The following BLTP1 variants were observed in gnomAD, a reference collection of about 807,000 sequenced individuals.
The protein encoded by BLTP1 is fragile site-associated protein.
At chr4:122,264,489 G>C in the BLTP1 span, 46 of 1,426,156 alleles carry the variant, frequency 3.2e-5, no homozygotes, top group Non-Finnish European at 3.7e-5. Context: ...TTAGCAACTG[G>C]AACCTCCAAT....
chr4:122,338,752 A>C, the BLTP1 span, among the ~76,000 whole-genome samples: 1 of 152,066 alleles, frequency 6.6e-6, no homozygotes, highest in Non-Finnish European at 1.5e-5. Flanking sequence ...TTTTCAATCC[A>C]TGTTTGGCGG....
At chr4:122,332,629 C>CCTT in the BLTP1 span, among the ~76,000 whole-genome samples, 1 of 142,564 alleles carries the variant, frequency 7.0e-6, no homozygotes, top group South Asian at 2.2e-4. Context: ...TAAAAGTTTG[C>CCTT]TTTTTTTTTT....
chr4:122,232,977 T>C, the BLTP1 span, among the ~76,000 whole-genome samples: 1 of 152,230 alleles, frequency 6.6e-6, no homozygotes, highest in Non-Finnish European at 1.5e-5. Context: ...ATTTCTGATA[T>C]TACTGGAAGA....
chr4:122,274,487 G>C, the BLTP1 span: 5 of 1,562,786 alleles, frequency 3.2e-6, no homozygotes, highest in Non-Finnish European at 4.3e-6. Flanking sequence ...AGACAAAAAT[G>C]GAAATTCTTT....
the BLTP1 span, among the ~76,000 whole-genome samples, chr4:122,324,174 C>T: frequency 6.6e-6 from 1 of 151,888 alleles, no homozygotes; most frequent in Non-Finnish European, 1.5e-5. Flanking sequence ...TACCCTCATC[C>T]CTACCCCCAA....
chr4:122,319,479 T>C, the BLTP1 span, among the ~76,000 whole-genome samples: 2 of 151,956 alleles, frequency 1.3e-5, no homozygotes, highest in Non-Finnish European at 2.9e-5. Context: ...GGTATCTTTC[T>C]GTTGTTGATT....
At chr4:122,267,028 C>T in the BLTP1 span, 23 of 466,842 alleles carry the variant, frequency 4.9e-5, no homozygotes, top group South Asian at 1.1e-4. Flanking sequence ...ACGTTACTTT[C>T]GTGTAATCCA....
chr4:122,214,600 T>C, the BLTP1 span: 2 of 855,562 alleles, frequency 2.3e-6, no homozygotes, highest in Non-Finnish European at 2.8e-6. Context: ...ACTATTTTTT[T>C]TTTTTTCAGT....
the BLTP1 span, chr4:122,209,697 A>T: frequency 8.0e-7 from 1 of 1,254,470 alleles, no homozygotes; most frequent in African/African-American, 1.5e-5. Context: ...TTTTGTGCTT[A>T]TATGTGGAGA....
the BLTP1 span, chr4:122,298,059 G>A: frequency 1.8e-6 from 1 of 545,268 alleles, no homozygotes; most frequent in South Asian, 8.3e-5. Context: ...AAAATAAAAG[G>A]TTGAAGAAAA....
the BLTP1 span, chr4:122,347,737 A>T: frequency 1.2e-6 from 2 of 1,613,664 alleles, no homozygotes; most frequent in Non-Finnish European, 1.7e-6. Context: ...CCCAGCTTCC[A>T]TAAGATCAAG....
At chr4:122,175,977 T>G in the BLTP1 span, 1 of 866,282 alleles carries the variant, frequency 1.2e-6, no homozygotes, top group East Asian at 2.5e-5. Context: ...TTATGAAAAC[T>G]AATTAAAATT....
the BLTP1 span, chr4:122,261,802 C>T: frequency 1.0e-6 from 1 of 979,336 alleles, no homozygotes; most frequent in East Asian, 1.1e-4. Context: ...ACATGCTTAT[C>T]AAGTGTTTAA....
chr4:122,354,059 C>T, the BLTP1 span: 2 of 1,563,028 alleles, frequency 1.3e-6, no homozygotes, highest in East Asian at 2.3e-5. Flanking sequence ...TTTGTTTTTT[C>T]CATTTTGGAT....
the BLTP1 span, chr4:122,178,064 TAGTCATACTTCTA>T: frequency 1.2e-6 from 1 of 868,184 alleles, no homozygotes; most frequent in Non-Finnish European, 1.4e-6. Context: ...ATCTTTCTCC[TAGTCATACTTCTA>T]AGTAAAACAA....
At chr4:122,348,534 G>A in the BLTP1 span, 1 of 1,536,376 alleles carries the variant, frequency 6.5e-7, no homozygotes. Flanking sequence ...GCATTTATGT[G>A]AATGAACATG....
chr4:122,362,329 A>G, the BLTP1 span: 4 of 1,049,600 alleles, frequency 3.8e-6, no homozygotes, highest in South Asian at 1.6e-5. Flanking sequence ...ATAATTTGAA[A>G]TATAACTTTA....
chr4:122,349,723 A>T, the BLTP1 span: 9 of 1,532,476 alleles, frequency 5.9e-6, no homozygotes, highest in Non-Finnish European at 7.9e-6. This position sits in a 1 kb window ranked among gnomAD's most constrained non-coding sequence, Gnocchi z 4.5. Flanking sequence ...GAAAACAGCA[A>T]TTTTTCTTAC....
chr4:122,242,084 A>G, the BLTP1 span, among the ~76,000 whole-genome samples: 7 of 152,164 alleles, frequency 4.6e-5, no homozygotes, highest in East Asian at 1.9e-4. Flanking sequence ...TCAAAAAATT[A>G]AAAATAGAAT....
Sources: gnomAD v4.1 joint callset for allele counts (sites outside exome capture counted in the v4.1 genomes callset) on GRCh38, gnomAD v4.1.1 for gene constraint, Gnocchi (gnomAD v3.1) non-coding constraint, MANE v1.5 for transcripts, NCBI Gene and HGNC (gene_info 2026-07-23, HGNC 2026-07-21) for gene names.